Variants in PCDHA5 observed in about 807,000 individuals in gnomAD.
PCDHA5 encodes the protein protocadherin alpha 5.
A neutral mutation model predicts 61.6 loss-of-function variants in PCDHA5; 43 were observed. The ratio of observed to expected loss-of-function variants is 0.70; its 90% CI spans 0.55 to 0.90. The LOEUF (loss-of-function observed/expected upper bound fraction) is 0.90, where lower values mean the gene tolerates loss of function less well. PCDHA5 is among the 40% of genes least tolerant of loss of function. The pLI, the probability that PCDHA5 is intolerant of heterozygous loss-of-function variation, is 0.00. For synonymous variants in PCDHA5, 627 were observed against 543.9 expected (o/e 1.15, Z -2.13); for missense variants, 1,298 against 1,222.7 (o/e 1.06, Z -0.92).
At chr5:140,884,357 A>G (rs1562803365) in intron 1 of PCDHA5, 1 of 1,613,864 alleles carries the variant, frequency 6.2e-7, no homozygotes, top group Non-Finnish European at 8.5e-7. Flanking sequence ...GGTGGATGTC[A>G]ATGTTTACTT....
chr5:140,868,653 G>T (rs897751330), intron 1 of PCDHA5: 1 of 162,858 alleles, frequency 6.1e-6, no homozygotes, highest in African/African-American at 2.4e-5. Flanking sequence ...CTGTGTATAA[G>T]TATTTTAGAT....
intron 3 of PCDHA5, among the ~76,000 whole-genome samples, chr5:141,007,680 C>G (rs1179621299): frequency 1.3e-5 from 2 of 152,148 alleles, no homozygotes; most frequent in African/African-American, 4.8e-5. Flanking sequence ...CAAAAGTTAT[C>G]CTACTTCCAC....
chr5:140,823,889 C>T lies in PCDHA5; in HGVS notation c.2114C>T (p.Ala705Val). 1 of 1,613,944 alleles carries T rather than the reference C, an allele frequency of 6.2e-7. No homozygotes were observed. Among genetic ancestry groups the T allele is most frequent in the Non-Finnish European group, 8.5e-7 (1 of 1,179,938 alleles). The change falls in exon 1 of 4, where the codon GCG (alanine) becomes GTG (valine). Residue 705 changes from alanine to valine, a missense_variant. Ala to Val is a moderately conservative substitution (Grantham distance 64). Coordinates refer to ENST00000529859, the MANE Select transcript of PCDHA5 (RefSeq NM_018908.3). ...VNVYLIIAICAVSSLLVLTLL... is the reference protein window; with the variant it reads ...VNVYLIIAICVVSSLLVLTLL... ...GTGTACCTGATCATCGCCATCTGTG[C>T]GGTGTCCAGCCTGCTGGTGCTCACG...
In PCDHA5 at chr5:140,858,056, G is replaced by A; in HGVS notation, c.2352+33929G>A. ...GGCCACTGTGCTTGTGTCGCTTGTG[G>A]AGGGCAGCCAGGCACCCAAGGCCTC... is the stretch of plus-strand genomic sequence containing the variant. On this transcript the variant is annotated intron_variant, in intron 1 of 3. Transcript: ENST00000529859. 1.9e-6 allele frequency: 3 copies of A among 1,597,644 alleles called. 1 individual carries two copies. The highest frequency in any genetic ancestry group is 2.6e-6 in the Non-Finnish European group (3 of 1,167,552).
At chr5:140,997,476 A>G (rs782742177) in intron 3 of PCDHA5, among the ~76,000 whole-genome samples, 1 of 152,196 alleles carries the variant, frequency 6.6e-6, no homozygotes, top group Admixed American at 6.5e-5. Flanking sequence ...TTTTTACACA[A>G]TGATAAGTAT....
rs200308248 is a variant in PCDHA5 at position 140,834,522 on chromosome 5, C to T, written c.2352+10395C>T. The T allele has an allele frequency of 9.3e-5, 150 of 1,614,068 alleles. No homozygotes were observed. In the East Asian group the frequency reaches 2.3e-3, roughly 24 times the overall value. The stretch of plus-strand genomic sequence containing the variant: ...GGCTAAACATGGCAACTTCGTGGGC[C>T]GCATCGCGCAGGACCTGGGGCTGGA... On this transcript the variant is annotated intron_variant, in intron 1 of 3. Transcript: ENST00000529859.
At chr5:140,871,246 C>T (rs782203109) in intron 1 of PCDHA5, 2 of 1,613,982 alleles carry the variant, frequency 1.2e-6, no homozygotes, top group Non-Finnish European at 1.7e-6. Context: ...ACTCACGCTG[C>T]TGCTGTATAC....
chr5:141,009,563 C>T (rs1588242901), intron 3 of PCDHA5, 64 bp from the exon 4 acceptor site: 2 of 1,571,920 alleles, frequency 1.3e-6, no homozygotes, highest in Non-Finnish European at 1.7e-6. Flanking sequence ...TGTACTCTAC[C>T]AGCAGTGTGG....
At chr5:140,836,178 G>A in intron 1 of PCDHA5, 1 of 1,613,826 alleles carries the variant, frequency 6.2e-7, no homozygotes, top group Non-Finnish European at 8.5e-7. Context: ...TGCAGTTGAC[G>A]CTGACTCAGG....
chr5:140,834,218 G>A (rs2150214230), intron 1 of PCDHA5: 2 of 668,586 alleles, frequency 3.0e-6, no homozygotes, highest in Non-Finnish European at 5.0e-6. Flanking sequence ...TTCGTAATCA[G>A]CAAAAGGAAG....
intron 1 of PCDHA5, chr5:140,876,193 G>A: frequency 6.2e-7 from 1 of 1,613,950 alleles, no homozygotes; most frequent in Non-Finnish European, 8.5e-7. Flanking sequence ...CAATGGTCCG[G>A]CGTTTGATAA....
At chr5:140,927,940 C>T (rs1247043975) in intron 1 of PCDHA5, 1 of 1,614,108 alleles carries the variant, frequency 6.2e-7, no homozygotes, top group African/African-American at 1.3e-5. Flanking sequence ...GAACCCAGTA[C>T]CTGAGGACGC....
In PCDHA5 at chr5:140,829,912, T is replaced by C. The variant is rs145708741; in HGVS notation, c.2352+5785T>C. ...CCGACTCAGGCTACAACGCGTGGCT[T>C]TCGTATGAGCTGCAGCCCCCGGCAA... On this transcript the variant is annotated intron_variant, in intron 1 of 3. Coordinates refer to ENST00000529859, the MANE Select transcript of PCDHA5 (RefSeq NM_018908.3). 24 of 1,613,880 alleles carry C rather than the reference T, an allele frequency of 1.5e-5. No individual in the cohort carries two copies. In the African/African-American group the frequency reaches 3.1e-4, roughly 21 times the overall value.
At chr5:140,882,950 C>G (rs1197710877) in intron 1 of PCDHA5, 1 of 1,614,098 alleles carries the variant, frequency 6.2e-7, no homozygotes, top group Non-Finnish European at 8.5e-7. Context: ...CACAGTTCAG[C>G]TGCTCATCAC....
At chr5:140,854,861 A>G (rs1176578969) in intron 1 of PCDHA5, among the ~76,000 whole-genome samples, 2 of 149,864 alleles carry the variant, frequency 1.3e-5, no homozygotes, top group African/African-American at 4.9e-5. Flanking sequence ...TACTAGATAT[A>G]TTTCAGAACT....
At chr5:140,834,241 G>T (rs1440716193) in intron 1 of PCDHA5, 2 of 811,066 alleles carry the variant, frequency 2.5e-6, no homozygotes, top group Non-Finnish European at 1.9e-6. Flanking sequence ...ATTCCTTTTC[G>T]CACTGGAAAG....
intron 1 of PCDHA5, among the ~76,000 whole-genome samples, chr5:140,909,261 G>A (rs1358542746): frequency 6.6e-6 from 1 of 152,226 alleles, no homozygotes; most frequent in Admixed American, 6.5e-5. Flanking sequence ...CTTGCTGACT[G>A]AAGGCAAATT....
intron 1 of PCDHA5, chr5:140,883,245 G>C: frequency 6.2e-7 from 1 of 1,614,016 alleles, no homozygotes; most frequent in South Asian, 1.1e-5. Context: ...GTTGACAAAG[G>C]AAATATTCCA....
At chr5:140,862,749 G>A (rs993473584) in intron 1 of PCDHA5, 2 of 579,518 alleles carry the variant, frequency 3.5e-6, no homozygotes, top group Non-Finnish European at 6.7e-6. Context: ...GGGTGCACGC[G>A]GAGAGCGGCA....
Sources: allele counts gnomAD v4.1 joint callset (sites outside exome capture counted in the v4.1 genomes callset), GRCh38; gene constraint gnomAD v4.1.1; transcripts MANE v1.5; gene names NCBI Gene and HGNC (gene_info 2026-07-23, HGNC 2026-07-21).